The following PDXDC1 variants were observed in gnomAD, a reference collection of about 807,000 sequenced individuals.
PDXDC1 encodes pyridoxal-dependent decarboxylase domain-containing protein 1.
In PDXDC1, 42 loss-of-function variants were observed where a neutral mutation model predicts 100.1. That is an observed-to-expected ratio of 0.42 (90% CI 0.33 to 0.54). The LOEUF is 0.54. PDXDC1 is among the 20% of genes least tolerant of loss of function. The probability of loss-of-function intolerance (pLI) is 0.10; values close to 1 mark genes in which losing one functional copy is unlikely to be tolerated. For missense variants in PDXDC1, 636 were observed against 979.2 expected (o/e 0.65, Z 4.68); for synonymous variants, 260 against 371.7 (o/e 0.70, Z 3.46).
intron 16 of PDXDC1, chr16:15,047,203 T>C: frequency 5.8e-6 from 3 of 517,812 alleles, no homozygotes; most frequent in East Asian, 6.3e-5. Flanking sequence ...CGACATCAAG[T>C]TCAAAGTCAA....
At chr16:15,141,770 G>T (rs1165320055), downstream of PDXDC1, among the ~76,000 whole-genome samples, 1 of 152,228 alleles carries the variant, frequency 6.6e-6, no homozygotes, top group East Asian at 1.9e-4. Flanking sequence ...GGGACAGGGT[G>T]GCGGCTGGGA....
chr16:15,032,715 G>A, intron 17 of PDXDC1, 146 bp from the exon 18 acceptor site: 1 of 559,564 alleles, frequency 1.8e-6, no homozygotes, highest in Non-Finnish European at 3.2e-6. Context: ...CTTCCAGAAA[G>A]TTTGTGGTCT....
intron 16 of PDXDC1, chr16:15,135,697 G>C: frequency 1.3e-6 from 2 of 1,594,412 alleles, no homozygotes; most frequent in Non-Finnish European, 1.7e-6. Context: ...GCGTCTGGTC[G>C]CCATCCTCCA....
downstream of PDXDC1, among the ~76,000 whole-genome samples, chr16:15,140,844 G>A (rs951217177): frequency 2.0e-5 from 3 of 152,026 alleles, no homozygotes; most frequent in Non-Finnish European, 2.9e-5. Flanking sequence ...CTGTGGCTCC[G>A]CAGGTCTGCA....
At chr16:15,024,041 C>T (rs2042399426) in intron 13 of PDXDC1, among the ~76,000 whole-genome samples, 1 of 152,288 alleles carries the variant, frequency 6.6e-6, no homozygotes, top group Non-Finnish European at 1.5e-5. Context: ...CTTGGCTTTT[C>T]CTCAGTCATC....
chr16:15,032,799 C>G (rs1162004068), intron 17 of PDXDC1, 62 bp from the exon 18 acceptor site: 21 of 949,436 alleles, frequency 2.2e-5, no homozygotes, highest in Non-Finnish European at 3.5e-5. Context: ...GGTTTCTAAT[C>G]CTGTATCAGA....
intron 16 of PDXDC1, among the ~76,000 whole-genome samples, chr16:15,124,522 C>A (rs2047597957): frequency 6.6e-6 from 1 of 151,746 alleles, no homozygotes; most frequent in African/African-American, 2.4e-5. Context: ...CGCCTGTAAT[C>A]CCAGCACTTT....
intron 1 of PDXDC1, chr16:14,990,094 G>A: frequency 1.3e-6 from 2 of 1,487,846 alleles, no homozygotes; most frequent in South Asian, 1.2e-5. Context: ...AGCAGGCAGA[G>A]GAGGCGGCGG....
chr16:15,022,602 G>A (rs1479944775), intron 12 of PDXDC1, 102 bp from the exon 13 acceptor site: 1 of 1,054,564 alleles, frequency 9.5e-7, no homozygotes, highest in Non-Finnish European at 1.4e-6. Context: ...AGGTGACTTT[G>A]CCTGACATCC....
intron 16 of PDXDC1, among the ~76,000 whole-genome samples, chr16:15,051,011 C>T (rs1327023466): frequency 6.6e-6 from 1 of 152,182 alleles, no homozygotes; most frequent in East Asian, 1.9e-4. Flanking sequence ...CAGGTGACAG[C>T]CTCTCATTTT....
chr16:15,004,293 A>G lies in PDXDC1; in HGVS notation c.349A>G (p.Ile117Val), dbSNP rs1304525129. The change falls in exon 5 of 23, where the codon ATA becomes GTA. Residue 117 changes from isoleucine to valine, a missense_variant. This residue lies in a region of PDXDC1 where 125 missense variants were observed against 479.9 expected (regional missense o/e 0.26). Transcript: ENST00000396410. ...GAAGCTGAGAAAACTTACAACTAGG[A>G]TACTTTCAGATACCACCTTATGGCT... ...KEKLRKLTTR[I>V]LSDTTLWLCR... The G allele has an allele frequency of 1.2e-6, 2 of 1,614,180 alleles. No homozygotes were observed. The highest frequency in any genetic ancestry group is 3.3e-5 in the Admixed American group (2 of 60,034).
At chr16:15,136,033 C>T (rs2048334065) in intron 16 of PDXDC1, 2 of 1,549,542 alleles carry the variant, frequency 1.3e-6, no homozygotes. Context: ...CCCGGGCAGC[C>T]AGTTCTGGCA....
At chr16:15,122,978 G>A (rs1455547040) in intron 16 of PDXDC1, among the ~76,000 whole-genome samples, 11 of 150,926 alleles carry the variant, frequency 7.3e-5, no homozygotes, top group African/African-American at 2.4e-4. Flanking sequence ...GTTCTCAAGC[G>A]CTGGTGGAAG....
At chr16:15,030,488 G>A (rs2042977953) in intron 16 of PDXDC1, among the ~76,000 whole-genome samples, 1 of 142,610 alleles carries the variant, frequency 7.0e-6, no homozygotes, top group African/African-American at 2.5e-5. Context: ...CGAGGTTGCA[G>A]TGAGCTGAGA....
intron 16 of PDXDC1, among the ~76,000 whole-genome samples, chr16:15,112,553 G>C (rs2047111416): frequency 6.6e-6 from 1 of 150,502 alleles, no homozygotes; most frequent in African/African-American, 2.5e-5. Context: ...TGTAGAATTT[G>C]TTTTTTCCTG....
chr16:15,135,800 C>A (rs543477667), intron 16 of PDXDC1: 4 of 1,536,680 alleles, frequency 2.6e-6, no homozygotes, highest in South Asian at 2.2e-5. Context: ...GGGCACCAGG[C>A]GCTCAGGGGC....
intron 16 of PDXDC1, among the ~76,000 whole-genome samples, chr16:15,129,082 G>C (rs1397758932): frequency 6.6e-6 from 1 of 151,706 alleles, no homozygotes; most frequent in Non-Finnish European, 1.5e-5. Context: ...TCGGATTACA[G>C]GTGTGAGCCA....
chr16:15,089,980 G>A (rs557121034), intron 16 of PDXDC1, among the ~76,000 whole-genome samples: 57 of 151,754 alleles, frequency 3.8e-4, no homozygotes, highest in African/African-American at 1.3e-3. Flanking sequence ...AGGCCAAGGC[G>A]GGCAGGTCAC....
Position 15,035,524 on chromosome 16 carries a change from C to A in PDXDC1, c.2078C>A (p.Ser693Ter), listed in dbSNP as rs781446186. Residue 693 changes from serine to a stop codon, truncating the protein, a stop_gained, in exon 22 of 23, where the codon TCG becomes TAG. Transcript: ENST00000396410. LOFTEE classifies it low-confidence loss of function (END_TRUNC). The part of the protein sequence containing the change: ...GAGVTLPPTP[S>*]GSRTKQRLPG... ...GGAGTCACGCTGCCTCCAACGCCCT[C>A]GGGCAGTCGCACCAAGCAGAGGCTT... 1.2e-5 allele frequency: 19 copies of A among 1,611,638 alleles called. No homozygotes were observed.
Sources: gnomAD v4.1 joint callset for allele counts (sites outside exome capture counted in the v4.1 genomes callset) on GRCh38, gnomAD v4.1.1 for gene constraint, gnomAD v4.1.1 regional missense constraint, MANE v1.5 for transcripts, NCBI Gene and HGNC (gene_info 2026-07-23, HGNC 2026-07-21) for gene names.